CELF2: variants seen among roughly 807,000 people sequenced by gnomAD.
CELF2 encodes CUG triplet repeat RNA-binding protein 2.
Under a neutral mutation model 62.6 loss-of-function variants are expected in CELF2, and 8 were observed. That is an observed-to-expected ratio of 0.13 (90% CI 0.07 to 0.23). CELF2 has a LOEUF of 0.23. Among genes scored for constraint, CELF2 ranks in the 10% least tolerant of loss-of-function variants. CELF2 has a pLI of 1.00. For missense variants in CELF2, 333 were observed against 671.0 expected, an observed-to-expected ratio of 0.50 and a Z score of 5.56; for synonymous variants, 258 against 250.0, an observed-to-expected ratio of 1.03 and a Z score of -0.30.
chr10:10,650,454 C>G, the CELF2 span, among the ~76,000 whole-genome samples: 1 of 152,034 alleles, frequency 6.6e-6, no homozygotes, highest in Non-Finnish European at 1.5e-5. Flanking sequence ...ACTCTGTAAC[C>G]CAGAAATTCC....
chr10:10,611,044 C>T, the CELF2 span, among the ~76,000 whole-genome samples: 1 of 152,152 alleles, frequency 6.6e-6, no homozygotes, highest in Non-Finnish European at 1.5e-5. Context: ...GTATGTTTTA[C>T]TATGACCCAA....
intron 11 of CELF2, 28 bp from the exon 12 acceptor site, chr10:11,325,808 T>C: frequency 1.3e-6 from 2 of 1,577,108 alleles, no homozygotes; most frequent in East Asian, 2.3e-5. Flanking sequence ...AAGGGATACC[T>C]TACTCTGACT....
At chr10:11,320,967 T>C (rs2095409945) in intron 10 of CELF2, 44 of 1,517,974 alleles carry the variant, frequency 2.9e-5, no homozygotes, top group Non-Finnish European at 3.8e-5. Flanking sequence ...TGCATTTGAA[T>C]CACTGGCCTA....
At chr10:10,964,008 A>G (rs1262702903) in intron 2 of CELF2, among the ~76,000 whole-genome samples, 1 of 152,246 alleles carries the variant, frequency 6.6e-6, no homozygotes, top group Non-Finnish European at 1.5e-5. Context: ...GCTCCCACTC[A>G]GCCTGAAAAC....
chr10:10,802,169 C>G (rs2054732819), intron 1 of CELF2, among the ~76,000 whole-genome samples: 1 of 152,074 alleles, frequency 6.6e-6, no homozygotes, highest in Non-Finnish European at 1.5e-5. Context: ...TGTATTAGAC[C>G]TATGATTAAA....
At chr10:11,105,927 A>G (rs960270340) in intron 1 of CELF2, among the ~76,000 whole-genome samples, 30 of 152,340 alleles carry the variant, frequency 2.0e-4, no homozygotes, top group Admixed American at 5.2e-4. Context: ...CTGGCATTAT[A>G]TAGTGTCTGG....
rs191045512 is a variant in CELF2, at chr10:11,286,450, G to T, written c.842-1968G>T. On this transcript the variant is annotated intron_variant, in intron 8 of 12. Transcript: ENST00000633077. Reference sequence around the variant, plus strand: ...TGAGAGAGCCCAGAGGGCATGGACAGACCTGCGTGAATGTACCTCATTCCT... The same window carrying T: ...TGAGAGAGCCCAGAGGGCATGGACATACCTGCGTGAATGTACCTCATTCCT... Among the ~76,000 whole-genome samples the T allele has an allele frequency of 8.8e-4, 134 of 152,368 alleles. 1 individual carries two copies. Among genetic ancestry groups the T allele is most frequent in the Non-Finnish European group, 9.3e-4 (63 of 68,038 alleles).
chr10:11,130,651 A>AT (rs2059477889), intron 1 of CELF2, among the ~76,000 whole-genome samples: 1 of 152,216 alleles, frequency 6.6e-6, no homozygotes, highest in Non-Finnish European at 1.5e-5. Flanking sequence ...TATCTGATTT[A>AT]TTACCGACAG....
chr10:11,038,366 G>A (rs1365927747), intron 1 of CELF2, among the ~76,000 whole-genome samples: 1 of 152,170 alleles, frequency 6.6e-6, no homozygotes, highest in African/African-American at 2.4e-5. Flanking sequence ...GGTTTGCGCT[G>A]CATTATATCA....
the CELF2 span, among the ~76,000 whole-genome samples, chr10:10,611,930 C>T: frequency 6.6e-6 from 1 of 152,258 alleles, no homozygotes; most frequent in Non-Finnish European, 1.5e-5. Context: ...TTGATCCATA[C>T]CATTGTCTAA....
chr10:11,275,948 G>A (rs183431027), intron 8 of CELF2, among the ~76,000 whole-genome samples: 1 of 152,272 alleles, frequency 6.6e-6, no homozygotes, highest in East Asian at 1.9e-4. Context: ...CCAAAAAGGT[G>A]GGGGGAGAGA....
At chr10:11,274,329 T>C (rs2085129226) in intron 7 of CELF2, among the ~76,000 whole-genome samples, 1 of 152,194 alleles carries the variant, frequency 6.6e-6, no homozygotes, top group Non-Finnish European at 1.5e-5. Flanking sequence ...TGCCTTTATC[T>C]TGTGGCACCC....
chr10:10,882,396 A>G (rs1254002523), intron 1 of CELF2, among the ~76,000 whole-genome samples: 2 of 152,294 alleles, frequency 1.3e-5, no homozygotes, highest in East Asian at 3.9e-4. Context: ...TCTTAAATGT[A>G]TCTCCATTCT....
intron 2 of CELF2, among the ~76,000 whole-genome samples, chr10:11,183,258 C>G (rs1331467828): frequency 6.6e-6 from 1 of 152,216 alleles, no homozygotes; most frequent in East Asian, 1.9e-4. Context: ...TTTGCTCAGC[C>G]TGATTCATCC....
At chr10:10,506,624 C>A in the CELF2 span, among the ~76,000 whole-genome samples, 147,535 of 148,348 alleles carry the variant, frequency 0.99, 73,365 homozygotes, top group East Asian at 1. Flanking sequence ...GGAAGAATGC[C>A]TAAACAATGC....
chr10:11,107,901 A>C (rs2053962809), intron 1 of CELF2, among the ~76,000 whole-genome samples: 5 of 100,686 alleles, frequency 5.0e-5, no homozygotes, highest in African/African-American at 7.8e-5. Flanking sequence ...CCCTTCTCCC[A>C]TCTCCTCCCT....
intron 1 of CELF2, among the ~76,000 whole-genome samples, chr10:10,832,989 A>T (rs2057995778): frequency 6.7e-6 from 1 of 150,278 alleles, no homozygotes; most frequent in African/African-American, 2.5e-5. Context: ...GAAGTTTTTG[A>T]GCCTCCTACA....
the CELF2 span, among the ~76,000 whole-genome samples, chr10:10,633,273 A>G: frequency 6.6e-6 from 1 of 152,200 alleles, no homozygotes; most frequent in East Asian, 1.9e-4. Flanking sequence ...TTGTCCCCAC[A>G]AAGATTTCAT....
the CELF2 span, among the ~76,000 whole-genome samples, chr10:10,475,896 GT>G: frequency 2.0e-5 from 3 of 152,028 alleles, no homozygotes; most frequent in East Asian, 3.9e-4. Context: ...CTTTTAAGCT[GT>G]TTAGCTCTTT....
Sources: allele counts gnomAD v4.1 joint callset (sites outside exome capture counted in the v4.1 genomes callset), GRCh38; gene constraint gnomAD v4.1.1; transcripts MANE v1.5; gene names NCBI Gene and HGNC (gene_info 2026-07-23, HGNC 2026-07-21).